ESR2: variants seen among roughly 807,000 people sequenced by gnomAD.
ESR2 encodes the protein estrogen receptor 2.
Under a neutral mutation model 49.6 loss-of-function variants are expected in ESR2, and 36 were observed. The observed-to-expected ratio is 0.73, with a 90% confidence interval of 0.56 to 0.96. The LOEUF (loss-of-function observed/expected upper bound fraction) is 0.96, where lower values mean the gene tolerates loss of function less well. Among genes scored for constraint, ESR2 ranks in the 40% least tolerant of loss-of-function variants. The pLI is 0.00. For synonymous variants in ESR2, 320 were observed against 266.1 expected (o/e 1.20, Z -1.97); for missense variants, 714 against 693.0 (o/e 1.03, Z -0.34).
chr14:64,332,074 G>C (rs1416241945), intron 1 of ESR2: 1 of 152,198 alleles, frequency 6.6e-6, no homozygotes, highest in South Asian at 2.1e-4. Flanking sequence ...TTATCCTGAA[G>C]AGTTTGCTAT....
chr14:64,305,246 G>C (rs1248083174), intron 1 of ESR2, among the ~76,000 whole-genome samples: 2 of 145,894 alleles, frequency 1.4e-5, no homozygotes, highest in Non-Finnish European at 3.0e-5. Flanking sequence ...AGCCGAGATC[G>C]TGCCACTGCA....
rs762164271 is a variant in ESR2, at chr14:64,282,734, C to T, written c.252G>A (p.Gly84=). Residue 84 remains glycine, a synonymous_variant, in exon 2 of 9, where the codon GGG becomes GGA. Transcript: ENST00000341099. ...GATGGACCACTAAAGGAGAAAGGTG[C>T]CCAGGTGTTGGCCACAACACATTTG... The part of the protein sequence containing the change: ...TSPNVLWPTP[G]HLSPLVVHRQ... 3 of 1,614,212 alleles carry T rather than the reference C, an allele frequency of 1.9e-6. No homozygotes were observed. Among genetic ancestry groups the T allele is most frequent in the Non-Finnish European group, 2.5e-6 (3 of 1,180,020 alleles).
chr14:64,318,478 A>T (rs891401965), intron 1 of ESR2, among the ~76,000 whole-genome samples: 2 of 136,664 alleles, frequency 1.5e-5, no homozygotes, highest in Non-Finnish European at 3.1e-5. Flanking sequence ...CAAAAGTTGC[A>T]GTGAGCCAAG....
At chr14:64,227,668 G>C, downstream of ESR2, 1 of 1,612,668 alleles carries the variant, frequency 6.2e-7, no homozygotes, top group Non-Finnish European at 8.5e-7. Flanking sequence ...AGTGTGGTCT[G>C]CATTTCAAAG....
At chr14:64,299,519 C>T (rs1417048845) in intron 1 of ESR2, among the ~76,000 whole-genome samples, 4 of 151,870 alleles carry the variant, frequency 2.6e-5, no homozygotes, top group Non-Finnish European at 5.9e-5. Context: ...ACCACCACAC[C>T]CGGCTAATTT....
At position 64,257,320 on chromosome 14, in the gene ESR2, T is replaced by C. The variant is rs750660776; in HGVS notation, c.997A>G (p.Ser333Gly). Residue 333 changes from serine to glycine, a missense_variant, in exon 6 of 9, where the codon AGC (serine) becomes GGC (glycine). By Grantham distance (56) the Ser-to-Gly change is moderately conservative (BLOSUM62 0). Transcript: ENST00000341099. ...ATCATTAACACCTCCATCCAACAGC[T>C]CTCCAAGAGCCGCACTTGGTCGAAC... Reference protein sequence around the residue: ...SLFDQVRLLESCWMEVLMMGL... With the variant: ...SLFDQVRLLEGCWMEVLMMGL... The C allele has an allele frequency of 3.1e-6, 5 of 1,613,342 alleles. No homozygotes were observed. In the African/African-American group the frequency reaches 5.4e-5, roughly 17 times the overall value.
intron 1 of ESR2, among the ~76,000 whole-genome samples, chr14:64,322,747 A>G (rs528885771): frequency 5.9e-5 from 9 of 152,338 alleles, no homozygotes; most frequent in African/African-American, 2.2e-4. Context: ...AGAATTTAAA[A>G]TACGCACTGT....
At chr14:64,302,710 T>C (rs775062137) in intron 1 of ESR2, among the ~76,000 whole-genome samples, 10 of 152,188 alleles carry the variant, frequency 6.6e-5, no homozygotes, top group Admixed American at 1.3e-4. Context: ...ATCCCCACTT[T>C]ACAGGAAAAG....
chr14:64,264,203 G>A (rs936340450), intron 4 of ESR2, among the ~76,000 whole-genome samples: 5 of 152,086 alleles, frequency 3.3e-5, no homozygotes, highest in Non-Finnish European at 5.9e-5. Flanking sequence ...TAAATCAATT[G>A]TTTACATTTT....
chr14:64,324,603 A>G (rs1482331094), intron 1 of ESR2, among the ~76,000 whole-genome samples: 9 of 152,144 alleles, frequency 5.9e-5, no homozygotes, highest in Non-Finnish European at 2.9e-5. Context: ...CTTTTCTTCA[A>G]GTTGGAATGA....
intron 7 of ESR2, among the ~76,000 whole-genome samples, chr14:64,241,821 C>T (rs1341356077): frequency 1.3e-5 from 2 of 152,178 alleles, no homozygotes; most frequent in African/African-American, 4.8e-5. Flanking sequence ...GGACTTTCTA[C>T]ATAGATTCTC....
intron 1 of ESR2, among the ~76,000 whole-genome samples, chr14:64,311,736 T>G (rs1463507246): frequency 1.3e-5 from 2 of 150,418 alleles, no homozygotes; most frequent in East Asian, 3.9e-4. Flanking sequence ...TTGCTTGAGC[T>G]CAAGAGTTCA....
chr14:64,325,718 A>G (rs370558143), intron 1 of ESR2, among the ~76,000 whole-genome samples: 2 of 152,124 alleles, frequency 1.3e-5, no homozygotes, highest in East Asian at 1.9e-4. Flanking sequence ...CCTCCTTCTC[A>G]GACTACTCAA....
At chr14:64,266,813 A>T (rs1211746085) in intron 4 of ESR2, among the ~76,000 whole-genome samples, 2 of 152,260 alleles carry the variant, frequency 1.3e-5, no homozygotes, top group East Asian at 1.9e-4. Context: ...TTTTTCCCCC[A>T]GTCTCACCCA....
At chr14:64,329,474 G>A (rs1306234705) in intron 1 of ESR2, 1 of 152,178 alleles carries the variant, frequency 6.6e-6, no homozygotes, top group Non-Finnish European at 1.5e-5. Flanking sequence ...AAGGGGGAAA[G>A]GAATTGGAAA....
chr14:64,306,854 T>C (rs1266232271), intron 1 of ESR2, among the ~76,000 whole-genome samples: 1 of 152,234 alleles, frequency 6.6e-6, no homozygotes, highest in African/African-American at 2.4e-5. Flanking sequence ...GAACTGCTGT[T>C]ATTTCTCCTT....
chr14:64,321,804 C>A (rs2077327383), intron 1 of ESR2, among the ~76,000 whole-genome samples: 1 of 152,120 alleles, frequency 6.6e-6, no homozygotes, highest in Non-Finnish European at 1.5e-5. Context: ...CAGATTAACA[C>A]AAGAACAGAA....
intron 1 of ESR2, among the ~76,000 whole-genome samples, chr14:64,320,132 A>G (rs2077308117): frequency 6.6e-6 from 1 of 152,234 alleles, no homozygotes; most frequent in Non-Finnish European, 1.5e-5. Context: ...TGCAATAAAA[A>G]GCAATGAGCT....
chr14:64,320,080 A>G (rs768170733), intron 1 of ESR2, among the ~76,000 whole-genome samples: 2 of 151,870 alleles, frequency 1.3e-5, no homozygotes, highest in Admixed American at 6.6e-5. Flanking sequence ...AGTCTGCACA[A>G]CAGAATATTA....
Sources: allele counts gnomAD v4.1 joint callset (sites outside exome capture counted in the v4.1 genomes callset), GRCh38; gene constraint gnomAD v4.1.1; transcripts MANE v1.5; gene names NCBI Gene and HGNC (gene_info 2026-07-23, HGNC 2026-07-21).